Variants in CLN5 observed in about 807,000 individuals in gnomAD.
CLN5 encodes CLN5 lysosomal BMP synthase.
CLN5 carries 34 observed loss-of-function variants against 36.7 expected under a neutral mutation model. That is an observed-to-expected ratio of 0.93 (90% CI 0.71 to 1.23). The LOEUF (loss-of-function observed/expected upper bound fraction) is 1.23. CLN5 is among the 50% of genes most tolerant of loss of function. The pLI is 0.00. For missense variants in CLN5, 427 were observed against 439.4 expected, an observed-to-expected ratio of 0.97 and a Z score of 0.25; for synonymous variants, 151 against 155.1, an observed-to-expected ratio of 0.97 and a Z score of 0.20.
rs953341271 is a variant in CLN5 at position 77,003,517 on chromosome 13, T to C, written c.*2548T>C. ...CAAGAACATGCTTTCAAAATAGTAG[T>C]TGAGAAACCAAAACATAGCCACGCA... On this transcript the variant is annotated 3_prime_UTR_variant, in exon 4 of 4. Transcript: ENST00000377453. The C allele has an allele frequency of 3.9e-5, 6 of 152,160 alleles. No homozygotes were observed. Among genetic ancestry groups the C allele is most frequent in the Non-Finnish European group, 7.4e-5 (5 of 68,012 alleles). The allele number at this position is 152,160 out of a possible 1,614,324, so 9.4% of individuals were successfully genotyped here. A position where few individuals can be genotyped will look rare whatever the true frequency, so the allele number is the denominator to read the frequency against.
Position 77,001,011 on chromosome 13 carries a change from ATC to A in CLN5, c.*44_*45del. 1 of 1,567,638 alleles carries A rather than the reference ATC, an allele frequency of 6.4e-7. No individual in the cohort carries two copies. Among genetic ancestry groups the A allele is most frequent in the South Asian group, 1.1e-5 (1 of 88,590 alleles). The stretch of plus-strand genomic sequence containing the variant: ...TGCTCTTTTTTCTCCAATCACCAGC[ATC>A]TGTTTTTCAGGGGGTGATTTTACTT... On this transcript the variant is annotated 3_prime_UTR_variant, in exon 4 of 4. Coordinates refer to ENST00000377453, the MANE Select transcript of CLN5 (RefSeq NM_006493.4).
At chr13:76,992,796 C>A (rs2034203649) in intron 1 of CLN5, 1 of 159,052 alleles carries the variant, frequency 6.3e-6, no homozygotes, top group Admixed American at 6.3e-5. Flanking sequence ...CCGTCTCCTG[C>A]AGTCCTGGTT....
chr13:76,994,926 C>A, intron 1 of CLN5, 137 bp from the exon 2 acceptor site: 1 of 713,080 alleles, frequency 1.4e-6, no homozygotes. Context: ...CACAAGATAA[C>A]AAAATGTGTG....
In CLN5 at chr13:77,004,062, G is replaced by A. The variant is rs542354800; in HGVS notation, c.*3093G>A. 6 of 152,152 alleles carry A rather than the reference G, an allele frequency of 3.9e-5. No individual in the cohort carries two copies. The highest frequency in any genetic ancestry group is 9.7e-5 in the African/African-American group (4 of 41,414). 9.4% of individuals were successfully genotyped at this position (152,152 alleles called of 1,614,324 possible). A position where few individuals can be genotyped will look rare whatever the true frequency, so the allele number is the denominator to read the frequency against. The stretch of plus-strand genomic sequence containing the variant: ...TTAGTTAAGTAAGTATACCCACAAA[G>A]TGTCATCTAATATATTGTTGCATGT... On this transcript the variant is annotated 3_prime_UTR_variant, in exon 4 of 4. Coordinates refer to ENST00000377453, the MANE Select transcript of CLN5 (RefSeq NM_006493.4).
rs1358936965 is a variant in CLN5 at position 77,001,795 on chromosome 13, G to A, written c.*826G>A. 6.6e-6 allele frequency: 1 copy of A among 152,212 alleles called. No homozygotes were observed. The highest frequency in any genetic ancestry group is 1.5e-5 in the Non-Finnish European group (1 of 68,050). 9.4% of individuals were successfully genotyped at this position (152,212 alleles called of 1,614,324 possible). A position where few individuals can be genotyped will look rare whatever the true frequency, so the allele number is the denominator to read the frequency against. ...CTAGATTTTAAGCTGATAGCATAGTGCTTCAGCGGTTCTTCTAACCGGGGT... is the reference window on the plus strand; with the variant it reads ...CTAGATTTTAAGCTGATAGCATAGTACTTCAGCGGTTCTTCTAACCGGGGT... On this transcript the variant is annotated 3_prime_UTR_variant, in exon 4 of 4. Coordinates refer to ENST00000377453, the MANE Select transcript of CLN5 (RefSeq NM_006493.4).
At position 77,001,557 on chromosome 13, in the gene CLN5, A is replaced by G. The variant is rs987396734; in HGVS notation, c.*588A>G. ...CAGTGTTAACACATATTTCTGGCTGAGATTTTGGAACTAGCTAGTAACTGG... is the reference window on the plus strand; with the variant it reads ...CAGTGTTAACACATATTTCTGGCTGGGATTTTGGAACTAGCTAGTAACTGG... On this transcript the variant is annotated 3_prime_UTR_variant, in exon 4 of 4. Transcript: ENST00000377453. The G allele has an allele frequency of 1.3e-5, 2 of 152,246 alleles. No individual in the cohort carries two copies. Among genetic ancestry groups the G allele is most frequent in the Non-Finnish European group, 2.9e-5 (2 of 68,132 alleles). The allele number at this position is 152,246 out of a possible 1,614,324, so 9.4% of individuals were successfully genotyped here.
chr13:77,000,932 C>T lies in CLN5; in HGVS notation c.1040C>T (p.Pro347Leu). The T allele has an allele frequency of 6.2e-7, 1 of 1,603,874 alleles. No individual in the cohort carries two copies. Among genetic ancestry groups the T allele is most frequent in the Non-Finnish European group, 8.5e-7 (1 of 1,175,712 alleles). The change falls in exon 4 of 4, where the codon CCT becomes CTT. Residue 347 changes from proline (P) to leucine (L), a missense_variant. By Grantham distance (98) the Pro-to-Leu change is moderately conservative (BLOSUM62 -3). Coordinates refer to ENST00000377453, the MANE Select transcript of CLN5 (RefSeq NM_006493.4). ...ATTAAAATAACATATGAAGAAATCC[C>T]TTTACCTATCAGAAACAAAACACTC... ...PFIKITYEEI[P>L]LPIRNKTLSG...
chr13:76,997,983 T>G (rs540923365), intron 3 of CLN5: 1 of 152,380 alleles, frequency 6.6e-6, no homozygotes, highest in African/African-American at 2.4e-5. Context: ...TGTACATACA[T>G]CACATCATTC....
rs369198178 is a variant in CLN5 at position 76,994,967 on chromosome 13, G to A, written c.174-96G>A. ...ATTTATTAACTATGGTCCGACCTTT[G>A]AATGGTCCCCTAAAAATGTTACTGG... On this transcript the variant is annotated intron_variant, in intron 1 of 3. Coordinates refer to ENST00000377453, the MANE Select transcript of CLN5 (RefSeq NM_006493.4). The A allele has an allele frequency of 1.1e-5, 12 of 1,116,282 alleles. No homozygotes were observed. In the East Asian group the frequency reaches 1.4e-4, roughly 13 times the overall value. 69.1% of individuals were successfully genotyped at this position (1,116,282 alleles called of 1,614,324 possible). A position where few individuals can be genotyped will look rare whatever the true frequency, so the allele number is the denominator to read the frequency against.
intron 1 of CLN5, 45 bp downstream of exon 1, chr13:76,992,316 GACGATGGGGGAT>G: frequency 6.8e-7 from 1 of 1,474,560 alleles, no homozygotes; most frequent in Non-Finnish European, 9.1e-7. Flanking sequence ...GGTCGGCGTT[GACGATGGGGGAT>G]GGGGTGCTGG....
At chr13:76,996,298 T>A (rs1184482217) in intron 3 of CLN5, 171 bp downstream of exon 3, 2 of 597,964 alleles carry the variant, frequency 3.3e-6, no homozygotes, top group South Asian at 2.0e-5. Context: ...TATTTGTATT[T>A]TTTATTTATT....
Position 77,001,543 on chromosome 13 carries a change from CAT to C in CLN5, c.*577_*578del, listed in dbSNP as rs1222210379. On this transcript the variant is annotated 3_prime_UTR_variant, in exon 4 of 4. Coordinates refer to ENST00000377453, the MANE Select transcript of CLN5 (RefSeq NM_006493.4). The stretch of plus-strand genomic sequence containing the variant: ...AGATGTGGCAAATCCAGTGTTAACA[CAT>C]ATTTCTGGCTGAGATTTTGGAACTA... The C allele has an allele frequency of 1.3e-5, 2 of 152,274 alleles. No individual in the cohort carries two copies. Among genetic ancestry groups the C allele is most frequent in the Non-Finnish European group, 2.9e-5 (2 of 68,148 alleles). 9.4% of individuals were successfully genotyped at this position (152,274 alleles called of 1,614,324 possible).
At chr13:76,999,852 T>C (rs1315709563) in intron 3 of CLN5, 2 of 152,212 alleles carry the variant, frequency 1.3e-5, no homozygotes, top group East Asian at 3.9e-4. Context: ...GCTTTGACTA[T>C]AGCTTAAATG....
At chr13:76,994,657 T>G (rs2154034585) in intron 1 of CLN5, 1 of 169,804 alleles carries the variant, frequency 5.9e-6, no homozygotes, top group East Asian at 1.7e-4. Flanking sequence ...TAAGTAAATA[T>G]AAAATGTATT....
intron 2 of CLN5, 103 bp downstream of exon 2, chr13:76,995,331 A>G: frequency 9.5e-7 from 1 of 1,051,842 alleles, no homozygotes; most frequent in East Asian, 2.4e-5. Flanking sequence ...ACTTTAGATC[A>G]TGTTGGTGTT....
In CLN5 at chr13:77,004,339, A is replaced by T. The variant is rs2154035597; in HGVS notation, c.*3370A>T. The T allele has an allele frequency of 6.6e-6, 1 of 152,378 alleles. No homozygotes were observed. The highest frequency in any genetic ancestry group is 1.9e-4 in the East Asian group (1 of 5,192). The allele number at this position is 152,378 out of a possible 1,614,324, so 9.4% of individuals were successfully genotyped here. A position where few individuals can be genotyped will look rare whatever the true frequency, so the allele number is the denominator to read the frequency against. ...ATGCTTTTTCCCTGTTCACAAAGGC[A>T]AACAGGCTGGCCAAAGTGTTTCCAG... is the stretch of plus-strand genomic sequence containing the variant. On this transcript the variant is annotated 3_prime_UTR_variant, in exon 4 of 4. Transcript: ENST00000377453.
At position 76,992,188 on chromosome 13, in the gene CLN5, G is replaced by A; in HGVS notation, c.90G>A (p.Leu30=). 1 of 1,605,466 alleles carries A rather than the reference G, an allele frequency of 6.2e-7. No individual in the cohort carries two copies. The highest frequency in any genetic ancestry group is 1.3e-5 in the African/African-American group (1 of 74,848). ...GACGCGCTTCCTGGTGCTGGGCCCT[G>A]GCGCTGCTTTGGCTCGCGGTGGTTC... ...ARGRASWCWA[L]ALLWLAVVPG... The change falls in exon 1 of 4, where the codon CTG becomes CTA. Residue 30 remains leucine (L), a synonymous_variant. Transcript: ENST00000377453.
At chr13:76,994,963 C>A (rs2034239712) in intron 1 of CLN5, 100 bp from the exon 2 acceptor site, 2 of 1,070,570 alleles carry the variant, frequency 1.9e-6, no homozygotes, top group African/African-American at 1.6e-5. Flanking sequence ...ATGGTCCGAC[C>A]TTTGAATGGT....
chr13:76,994,934 GTGT>G, intron 1 of CLN5, 126 bp from the exon 2 acceptor site: 1 of 746,004 alleles, frequency 1.3e-6, no homozygotes, highest in East Asian at 2.6e-5. Context: ...AACAAAATGT[GTGT>G]TTATATTTAT....
Sources: gnomAD v4.1 joint callset for allele counts on GRCh38, gnomAD v4.1.1 for gene constraint, MANE v1.5 for transcripts, NCBI Gene and HGNC (gene_info 2026-07-23, HGNC 2026-07-21) for gene names.